BOK: variants seen among roughly 807,000 people sequenced by gnomAD.
BOK encodes the protein BCL2 family apoptosis regulator BOK.
Under a neutral mutation model 18.3 loss-of-function variants are expected in BOK, and 20 were observed. The ratio of observed to expected loss-of-function variants is 1.09; its 90% CI spans 0.77 to 1.59. BOK has a LOEUF of 1.59. BOK is among the 40% of genes most tolerant of loss of function. BOK has a pLI of 0.00. For missense variants in BOK, 348 were observed against 307.9 expected (o/e 1.13, Z -0.97); for synonymous variants, 173 against 142.4 (o/e 1.21, Z -1.53).
intron 3 of BOK, 101 bp from the exon 4 acceptor site, chr2:241,570,024 G>C (rs2066683327): frequency 7.2e-7 from 1 of 1,396,940 alleles, no homozygotes; most frequent in East Asian, 2.5e-5. Context: ...TCATTAGCTG[G>C]ACGGCAAGCA....
chr2:241,558,212 C>T (rs2066470225), upstream of BOK, among the ~76,000 whole-genome samples: 1 of 152,072 alleles, frequency 6.6e-6, no homozygotes. Flanking sequence ...CCGTACCACA[C>T]CATTCACAAT....
chr2:241,562,405 A>G lies in BOK; in HGVS notation c.278A>G (p.His93Arg), dbSNP rs2066543136. Residue 93 changes from histidine to arginine, a missense_variant, in exon 3 of 5, where the codon CAC (histidine) becomes CGC (arginine). Coordinates refer to ENST00000318407, the MANE Select transcript of BOK (RefSeq NM_032515.5). The surrounding 1 kb of genome is among the most constrained non-coding windows in gnomAD (Gnocchi z 4.5). The part of the protein sequence containing the change: ...SVYRNVARQL[H>R]ISLQSEPVVT... ...TACCGCAACGTGGCGCGTCAGCTGC[A>G]CATCTCCCTGCAGTCTGAGCCTGTG... The G allele has an allele frequency of 1.2e-6, 2 of 1,612,214 alleles. No homozygotes were observed. The highest frequency in any genetic ancestry group is 8.5e-7 in the Non-Finnish European group (1 of 1,179,886).
chr2:241,565,437 C>G (rs562745793), intron 3 of BOK, among the ~76,000 whole-genome samples: 2 of 152,288 alleles, frequency 1.3e-5, no homozygotes, highest in Non-Finnish European at 2.9e-5. Flanking sequence ...CCCCAGCCCC[C>G]TTCACCTTTG....
At chr2:241,570,004 C>T (rs777402314) in intron 3 of BOK, 121 bp from the exon 4 acceptor site, 26 of 1,274,262 alleles carry the variant, frequency 2.0e-5, no homozygotes, top group Admixed American at 6.0e-5. Flanking sequence ...CCCCTTGGGA[C>T]GGTCCCTGGT....
At chr2:241,571,875 G>A (rs1226828715) in intron 4 of BOK, among the ~76,000 whole-genome samples, 4 of 152,224 alleles carry the variant, frequency 2.6e-5, no homozygotes, top group African/African-American at 9.6e-5. Flanking sequence ...GCCCCTTCCT[G>A]GTAGCCCAGG....
Position 241,562,289 on chromosome 2 carries a change from G to T in BOK, c.221-59G>T. ...CAGGTGCAGGGTGTGCCCCAAGCCA[G>T]TCGTGTCCCAGGAAGCTGGGACGTG... On this transcript the variant is annotated intron_variant, in intron 2 of 4. Transcript: ENST00000318407. The surrounding 1 kb of genome is among the most constrained non-coding windows in gnomAD (Gnocchi z 4.5). 1.3e-6 allele frequency: 2 copies of T among 1,541,274 alleles called. No individual in the cohort carries two copies. The highest frequency in any genetic ancestry group is 1.7e-6 in the Non-Finnish European group (2 of 1,144,676).
chr2:241,572,477 C>T lies in BOK; in HGVS notation c.*55C>T. ...GCCCTCTGGGCCCAACGCAGGAGGCCCTCAGCACCCGAACACATCTTCCTC... is the reference window on the plus strand; with the variant it reads ...GCCCTCTGGGCCCAACGCAGGAGGCTCTCAGCACCCGAACACATCTTCCTC... On this transcript the variant is annotated 3_prime_UTR_variant, in exon 5 of 5. Transcript: ENST00000318407. 1 of 1,559,378 alleles carries T rather than the reference C, an allele frequency of 6.4e-7. No individual in the cohort carries two copies. Among genetic ancestry groups the T allele is most frequent in the African/African-American group, 1.3e-5 (1 of 74,434 alleles).
At chr2:241,561,979 G>A (rs2066531786) in intron 2 of BOK, among the ~76,000 whole-genome samples, 1 of 152,252 alleles carries the variant, frequency 6.6e-6, no homozygotes, top group South Asian at 2.1e-4. Context: ...CCGTCTGCCT[G>A]GTCCCTCCTG....
chr2:241,572,288 C>T lies in BOK; in HGVS notation c.514-9C>T. The T allele has an allele frequency of 6.2e-7, 1 of 1,609,694 alleles. No homozygotes were observed. The highest frequency in any genetic ancestry group is 8.5e-7 in the Non-Finnish European group (1 of 1,178,674). Reference sequence around the variant, plus strand: ...TCTGCTTTCTAACGGTCTCCCTCTTCCCTCCCAGACTGATGTCCTCAAGTG... The same window carrying T: ...TCTGCTTTCTAACGGTCTCCCTCTTTCCTCCCAGACTGATGTCCTCAAGTG... On this transcript the variant is annotated splice_polypyrimidine_tract_variant and intron_variant, in intron 4 of 4. Coordinates refer to ENST00000318407, the MANE Select transcript of BOK (RefSeq NM_032515.5).
chr2:241,553,137 C>A (rs1008084689), intron 1 of BOK, among the ~76,000 whole-genome samples: 1 of 141,438 alleles, frequency 7.1e-6, no homozygotes, highest in African/African-American at 2.6e-5. Context: ...CCCCAGTGTA[C>A]CTGAGACTGG....
upstream of BOK, among the ~76,000 whole-genome samples, chr2:241,555,581 T>G (rs572405698): frequency 9.9e-5 from 15 of 152,086 alleles, no homozygotes; most frequent in South Asian, 2.7e-3. Context: ...CTCACCTTGT[T>G]GGTCAAGCTG....
chr2:241,564,372 T>C (rs1296102880), intron 3 of BOK, among the ~76,000 whole-genome samples: 1 of 152,232 alleles, frequency 6.6e-6, no homozygotes, highest in African/African-American at 2.4e-5. Context: ...GCCTGGACTC[T>C]GTCACTGCTC....
At chr2:241,569,625 C>T (rs1022901908) in intron 3 of BOK, among the ~76,000 whole-genome samples, 1 of 152,150 alleles carries the variant, frequency 6.6e-6, no homozygotes, top group Non-Finnish European at 1.5e-5. Flanking sequence ...CGTGTTGAGG[C>T]GTCGTGTCCT....
intron 3 of BOK, among the ~76,000 whole-genome samples, chr2:241,564,050 TTC>T (rs1373679316): frequency 6.6e-6 from 1 of 152,166 alleles, no homozygotes; most frequent in Non-Finnish European, 1.5e-5. Context: ...TGCGAGCATT[TTC>T]TGACAGAATC....
Position 241,559,538 on chromosome 2 carries a change from G to T in BOK, c.55G>T (p.Asp19Tyr). 2 of 1,524,756 alleles carry T rather than the reference G, an allele frequency of 1.3e-6. No homozygotes were observed. The highest frequency in any genetic ancestry group is 1.7e-6 in the Non-Finnish European group (2 of 1,145,196). 94.5% of individuals were successfully genotyped at this position (1,524,756 alleles called of 1,614,324 possible). A position where few individuals can be genotyped will look rare whatever the true frequency, so the allele number is the denominator to read the frequency against. Residue 19 changes from aspartate to tyrosine, a missense_variant, in exon 2 of 5, where the codon GAC becomes TAC. Physicochemically the swap from Asp to Tyr is radical, Grantham distance 160. Coordinates refer to ENST00000318407, the MANE Select transcript of BOK (RefSeq NM_032515.5). ...CGCCGCCGAGATCATGGACGCCTTTGACCGCTCGCCCACAGACAAGGAGCT... is the reference window on the plus strand; with the variant it reads ...CGCCGCCGAGATCATGGACGCCTTTTACCGCTCGCCCACAGACAAGGAGCT... ...VFAAEIMDAF[D>Y]RSPTDKELVA...
intron 3 of BOK, among the ~76,000 whole-genome samples, chr2:241,567,425 C>T (rs1157242440): frequency 2.2e-5 from 3 of 135,054 alleles, no homozygotes; most frequent in Non-Finnish European, 4.8e-5. Context: ...CCGCACCCAG[C>T]GTGGAATGCA....
chr2:241,559,160 C>T (rs1053133206), intron 1 of BOK, among the ~76,000 whole-genome samples, 167 bp downstream of exon 1: 3 of 151,090 alleles, frequency 2.0e-5, no homozygotes, highest in Admixed American at 6.6e-5. Context: ...CTGGGCTGTG[C>T]CCTCCGCCCC....
At position 241,562,482 on chromosome 2, in the gene BOK, C is replaced by G. The variant is rs764177353; in HGVS notation, c.349+6C>G. The G allele has an allele frequency of 6.2e-7, 1 of 1,603,994 alleles. No individual in the cohort carries two copies. The highest frequency in any genetic ancestry group is 1.7e-5 in the Admixed American group (1 of 59,222). On this transcript the variant is annotated splice_donor_region_variant and intron_variant, in intron 3 of 4. Coordinates refer to ENST00000318407, the MANE Select transcript of BOK (RefSeq NM_032515.5). This position sits in a 1 kb window ranked among gnomAD's most constrained non-coding sequence, Gnocchi z 4.5. ...TGGCCACATCTTCTCTGCAGGTATG[C>G]CCAGCCTGCCCGTCCCATGGGACCT...
upstream of BOK, among the ~76,000 whole-genome samples, chr2:241,557,388 C>T (rs1235816182): frequency 1.3e-5 from 2 of 149,750 alleles, no homozygotes; most frequent in Non-Finnish European, 3.0e-5. Flanking sequence ...CTGCTCACTG[C>T]AACCTTCGCC....
Sources: gnomAD v4.1 joint callset for allele counts (sites outside exome capture counted in the v4.1 genomes callset) on GRCh38, gnomAD v4.1.1 for gene constraint, Gnocchi (gnomAD v3.1) non-coding constraint, MANE v1.5 for transcripts, NCBI Gene and HGNC (gene_info 2026-07-23, HGNC 2026-07-21) for gene names.